The following CNTN5 variants were observed in gnomAD, a reference collection of about 807,000 sequenced individuals.
CNTN5 encodes contactin 5.
A neutral mutation model predicts 129.1 loss-of-function variants in CNTN5; 77 were observed. That is an observed-to-expected ratio of 0.60 (90% CI 0.50 to 0.72). The LOEUF is 0.72. Ranked by LOEUF, CNTN5 falls within the 30% of genes least tolerant of loss-of-function variation. CNTN5 has a pLI of 0.00. For missense variants in CNTN5, 1,478 were observed against 1,328.8 expected, an observed-to-expected ratio of 1.11 and a Z score of -1.75; for synonymous variants, 509 against 465.6, an observed-to-expected ratio of 1.09 and a Z score of -1.20.
At chr11:100,329,208 T>G (rs1053301955) in intron 21 of CNTN5, among the ~76,000 whole-genome samples, 1 of 151,964 alleles carries the variant, frequency 6.6e-6, no homozygotes, top group African/African-American at 2.4e-5. Context: ...GCAGCTCTAA[T>G]CCCCTTGGGA....
chr11:99,450,060 C>T (rs1161257969), intron 2 of CNTN5, among the ~76,000 whole-genome samples: 7 of 151,982 alleles, frequency 4.6e-5, no homozygotes, highest in South Asian at 4.1e-4. Context: ...AATTACCAGA[C>T]AGCTAGATTT....
intron 1 of CNTN5, among the ~76,000 whole-genome samples, chr11:99,044,605 A>T (rs1398198595): frequency 6.6e-6 from 1 of 152,264 alleles, no homozygotes; most frequent in Admixed American, 6.5e-5. Flanking sequence ...CAGGCCTTGG[A>T]TCATTTTGCC....
At chr11:99,596,229 TGTC>T in intron 3 of CNTN5, among the ~76,000 whole-genome samples, 1 of 152,260 alleles carries the variant, frequency 6.6e-6, no homozygotes, top group Non-Finnish European at 1.5e-5. Flanking sequence ...GGCTGAGAAA[TGTC>T]GTCCTATACC....
intron 7 of CNTN5, among the ~76,000 whole-genome samples, chr11:99,928,991 T>C (rs1290986826): frequency 6.6e-6 from 1 of 152,172 alleles, no homozygotes; most frequent in Non-Finnish European, 1.5e-5. Flanking sequence ...CTTGAATGCT[T>C]TGCTGCTTAG....
At chr11:99,465,872 AC>A (rs1565205646) in intron 2 of CNTN5, among the ~76,000 whole-genome samples, 1 of 60,352 alleles carries the variant, frequency 1.7e-5, no homozygotes, top group Non-Finnish European at 3.1e-5. Flanking sequence ...GGTGCCACAC[AC>A]CTTTTTTTTT....
At chr11:99,400,542 G>C (rs1019800044) in intron 2 of CNTN5, among the ~76,000 whole-genome samples, 4 of 152,116 alleles carry the variant, frequency 2.6e-5, no homozygotes, top group Non-Finnish European at 5.9e-5. Context: ...AACAAACATG[G>C]GAGTGCAGAT....
intron 13 of CNTN5, among the ~76,000 whole-genome samples, chr11:100,076,848 T>C (rs1261573321): frequency 1.3e-5 from 2 of 152,116 alleles, no homozygotes; most frequent in Non-Finnish European, 2.9e-5. Context: ...AATACCATTT[T>C]TATTATTGAA....
intron 3 of CNTN5, among the ~76,000 whole-genome samples, chr11:99,705,353 C>G (rs995842155): frequency 1.3e-5 from 2 of 151,330 alleles, no homozygotes; most frequent in Admixed American, 1.3e-4. Context: ...CATAGTGTTA[C>G]CTTTCTCCAT....
At chr11:99,229,328 T>C (rs747173815) in intron 1 of CNTN5, among the ~76,000 whole-genome samples, 6 of 152,036 alleles carry the variant, frequency 3.9e-5, no homozygotes, top group Non-Finnish European at 7.4e-5. Flanking sequence ...CATGTTAAAT[T>C]AATAAAATAT....
At position 99,082,330 on chromosome 11, in the gene CNTN5, G is replaced by A. The variant is rs867335234; in HGVS notation, c.-210+61060G>A. 7.6e-4 allele frequency among the ~76,000 whole-genome samples: 115 copies of A among 152,062 alleles called. 1 individual carries two copies. Among genetic ancestry groups the A allele is most frequent in the African/African-American group, 2.6e-3 (107 of 41,470 alleles). On this transcript the variant is annotated intron_variant, in intron 1 of 24. Transcript: ENST00000524871. ...GCTGTGAGTAGCTGGGACTACAGGC[G>A]CATGCCACCATGCCCAGCTAATTTT...
At chr11:100,073,573 C>T (rs902811332) in intron 12 of CNTN5, among the ~76,000 whole-genome samples, 6 of 151,786 alleles carry the variant, frequency 4.0e-5, no homozygotes, top group Admixed American at 6.6e-5. Flanking sequence ...TTATAGTATA[C>T]ACAGTATTTA....
intron 1 of CNTN5, among the ~76,000 whole-genome samples, chr11:99,061,554 A>T (rs10892735): frequency 0.46 from 70,179 of 151,922 alleles, 16,541 homozygotes; most frequent in Non-Finnish European, 0.49. Flanking sequence ...GGCTCTCAAG[A>T]AAAGTTCTTA....
intron 1 of CNTN5, among the ~76,000 whole-genome samples, chr11:99,130,982 G>T (rs56804461): frequency 0.17 from 26,244 of 151,902 alleles, 2,696 homozygotes; most frequent in East Asian, 0.41. Flanking sequence ...GAAATTTATG[G>T]CTGGGTGCGG....
chr11:99,726,453 CAT>C (rs1229063837), intron 3 of CNTN5, among the ~76,000 whole-genome samples: 5 of 152,148 alleles, frequency 3.3e-5, no homozygotes, highest in Non-Finnish European at 2.9e-5. Context: ...GAAATTACTA[CAT>C]GTTTTCTACT....
intron 2 of CNTN5, among the ~76,000 whole-genome samples, chr11:99,426,929 C>T (rs1444493072): frequency 6.6e-6 from 1 of 152,122 alleles, no homozygotes; most frequent in East Asian, 1.9e-4. Context: ...CAGAAAATTA[C>T]ATGGATATAA....
intron 2 of CNTN5, among the ~76,000 whole-genome samples, chr11:99,429,441 C>A (rs1019097372): frequency 6.6e-6 from 1 of 151,978 alleles, no homozygotes; most frequent in Non-Finnish European, 1.5e-5. Context: ...TGTCAGAGAG[C>A]CCTAAATTTG....
chr11:100,248,964 T>A (rs2138704588), intron 16 of CNTN5, among the ~76,000 whole-genome samples: 1 of 152,334 alleles, frequency 6.6e-6, no homozygotes, highest in Non-Finnish European at 1.5e-5. Flanking sequence ...AGCCTGTTCT[T>A]GCTTCAATGA....
intron 9 of CNTN5, among the ~76,000 whole-genome samples, chr11:100,053,509 A>G (rs1469159347): frequency 6.6e-6 from 1 of 151,774 alleles, no homozygotes; most frequent in Non-Finnish European, 1.5e-5. Context: ...TATAAATTGA[A>G]ACCACACTTT....
At position 100,178,217 on chromosome 11, in the gene CNTN5, C is replaced by T. The variant is rs115383219; in HGVS notation, c.1581-12909C>T. The stretch of plus-strand genomic sequence containing the variant: ...ACAGCTGCCATCATGCCTCTCCAAA[C>T]GTTATTAACTCGTTTTCCTAAAAGC... On this transcript the variant is annotated intron_variant, in intron 13 of 24. Coordinates refer to ENST00000524871, the MANE Select transcript of CNTN5 (RefSeq NM_014361.4). Among the ~76,000 whole-genome samples, 424 of 152,256 alleles carry T rather than the reference C, an allele frequency of 2.8e-3. 3 individuals are homozygous for T. The highest frequency in any genetic ancestry group is 9.6e-3 in the African/African-American group (398 of 41,566).
Sources: allele counts gnomAD v4.1 joint callset (sites outside exome capture counted in the v4.1 genomes callset), GRCh38; gene constraint gnomAD v4.1.1; transcripts MANE v1.5; gene names NCBI Gene and HGNC (gene_info 2026-07-23, HGNC 2026-07-21).